KDM4B: variants seen among roughly 807,000 people sequenced by gnomAD.
KDM4B encodes lysine-specific demethylase 4B.
In KDM4B, 32 loss-of-function variants were observed where a neutral mutation model predicts 125.2. That is an observed-to-expected ratio of 0.26 (90% CI 0.19 to 0.34). The LOEUF (loss-of-function observed/expected upper bound fraction) is 0.34, where lower values mean the gene tolerates loss of function less well. KDM4B is among the 10% of genes least tolerant of loss of function. The probability of loss-of-function intolerance (pLI) is 1.00; values close to 1 mark genes in which losing one functional copy is unlikely to be tolerated. For missense variants in KDM4B, 1,190 were observed against 1,577.7 expected (o/e 0.75, Z 4.16); for synonymous variants, 721 against 677.9 (o/e 1.06, Z -0.99).
At position 5,142,684 on chromosome 19, in the gene KDM4B, A is replaced by T. The variant is rs938637840; in HGVS notation, c.2551-1283A>T. On this transcript the variant is annotated intron_variant, in intron 18 of 22. Coordinates refer to ENST00000159111, the MANE Select transcript of KDM4B (RefSeq NM_015015.3). The surrounding 1 kb of genome is among the most constrained non-coding windows in gnomAD (Gnocchi z 5.4). ...AGGCTCCCCAGGGAGCACAGCCTCC[A>T]CTCCTACACACTGGCTACTCTGCCG... 9.3e-5 allele frequency among the ~76,000 whole-genome samples: 14 copies of T among 151,182 alleles called. No individual in the cohort carries two copies. Among genetic ancestry groups the T allele is most frequent in the Non-Finnish European group, 1.8e-4 (12 of 67,830 alleles).
chr19:5,056,405 CTTTT>C (rs941745686), intron 6 of KDM4B, among the ~76,000 whole-genome samples: 2 of 136,308 alleles, frequency 1.5e-5, no homozygotes, highest in African/African-American at 2.7e-5. Context: ...CCCTTTCTTT[CTTTT>C]TTTTTTTTTT....
intron 1 of KDM4B, among the ~76,000 whole-genome samples, chr19:5,015,957 C>T (rs1362945619): frequency 3.9e-5 from 6 of 152,198 alleles, no homozygotes; most frequent in Non-Finnish European, 8.8e-5. Flanking sequence ...CAGTAGGTGT[C>T]TGCGTCTTAA....
intron 11 of KDM4B, among the ~76,000 whole-genome samples, chr19:5,126,708 G>A (rs116278100): frequency 1.2e-4 from 19 of 152,344 alleles, no homozygotes; most frequent in African/African-American, 4.3e-4. Flanking sequence ...CCGGGGACCC[G>A]CCAGCACATC....
chr19:4,969,793 C>G (rs976387574), intron 1 of KDM4B, among the ~76,000 whole-genome samples: 14 of 151,780 alleles, frequency 9.2e-5, no homozygotes, highest in Admixed American at 7.2e-4. Context: ...TGCACTGCCC[C>G]CACCTCCGGT....
intron 6 of KDM4B, among the ~76,000 whole-genome samples, chr19:5,058,520 T>C (rs1017059509): frequency 4.6e-5 from 7 of 152,128 alleles, no homozygotes; most frequent in Non-Finnish European, 1.0e-4. Flanking sequence ...CTCTTGGCCA[T>C]GTTCCAGGAG....
rs182529901 is a variant in KDM4B at position 5,082,266 on chromosome 19, C to T, written c.781-101C>T. 7 of 1,445,666 alleles carry T rather than the reference C, an allele frequency of 4.8e-6. No homozygotes were observed. Among genetic ancestry groups the T allele is most frequent in the East Asian group, 4.8e-5 (2 of 41,966 alleles). 89.6% of individuals were successfully genotyped at this position (1,445,666 alleles called of 1,614,324 possible). ...TTGACTTTGTGAAACCCCCTTGGCT[C>T]ATAAGCCAGGCTCCCTGGCACTTGC... On this transcript the variant is annotated intron_variant, in intron 8 of 22. Coordinates refer to ENST00000159111, the MANE Select transcript of KDM4B (RefSeq NM_015015.3). The surrounding 1 kb of genome is among the most constrained non-coding windows in gnomAD (Gnocchi z 5.4).
chr19:5,143,526 C>T (rs562986529), intron 18 of KDM4B, among the ~76,000 whole-genome samples: 1 of 152,216 alleles, frequency 6.6e-6, no homozygotes, highest in South Asian at 2.1e-4. Flanking sequence ...GTGGCCTGCC[C>T]TGGGGGTTGC....
At chr19:5,065,125 G>A (rs1040874241) in intron 6 of KDM4B, among the ~76,000 whole-genome samples, 5 of 152,242 alleles carry the variant, frequency 3.3e-5, no homozygotes, top group South Asian at 4.1e-4. Flanking sequence ...GCCCCACTGC[G>A]CAGCGTCACC....
chr19:5,141,129 G>A lies in KDM4B; in HGVS notation c.2551-2838G>A, dbSNP rs2039735204. 6.6e-6 allele frequency: 1 copy of A among 152,278 alleles called. No individual in the cohort carries two copies. Among genetic ancestry groups the A allele is most frequent in the Admixed American group, 6.5e-5 (1 of 15,294 alleles). 9.4% of individuals were successfully genotyped at this position (152,278 alleles called of 1,614,324 possible). On this transcript the variant is annotated intron_variant, in intron 18 of 22. Transcript: ENST00000159111. This position sits in a 1 kb window ranked among gnomAD's most constrained non-coding sequence, Gnocchi z 6.4. ...GGTGCCCACGAGCCCGGCGGGCTTG[G>A]ATGCCATGCTTGGAGCCCACAGGTG...
chr19:5,138,808 G>A (rs1380986225), intron 18 of KDM4B, among the ~76,000 whole-genome samples: 1 of 152,216 alleles, frequency 6.6e-6, no homozygotes, highest in Non-Finnish European at 1.5e-5. Flanking sequence ...CACTTCACAC[G>A]TGCTAAGCAG....
At chr19:5,018,702 C>T (rs912632061) in intron 2 of KDM4B, among the ~76,000 whole-genome samples, 1 of 152,196 alleles carries the variant, frequency 6.6e-6, no homozygotes, top group African/African-American at 2.4e-5. Context: ...AGCTCTGTCC[C>T]CCTCAGCAGT....
chr19:4,969,388 C>G (rs1192866299), intron 1 of KDM4B, among the ~76,000 whole-genome samples, 158 bp downstream of exon 1: 1 of 14,352 alleles, frequency 7.0e-5, no homozygotes, highest in Non-Finnish European at 1.3e-4. Context: ...TTGTCCGGGC[C>G]GGCGGGGCGG....
At chr19:5,136,326 ATGTC>A (rs1235212530) in intron 15 of KDM4B, among the ~76,000 whole-genome samples, 1 of 152,128 alleles carries the variant, frequency 6.6e-6, no homozygotes, top group African/African-American at 2.4e-5. Flanking sequence ...AAGAAAATGG[ATGTC>A]TGTCTCTTTC....
At chr19:5,062,783 T>G (rs996680587) in intron 6 of KDM4B, among the ~76,000 whole-genome samples, 29 of 147,234 alleles carry the variant, frequency 2.0e-4, no homozygotes, top group Non-Finnish European at 3.6e-4. Flanking sequence ...CTGTTTTTTT[T>G]TTTTTTTTTT....
chr19:5,039,451 TCAA>T (rs372611516), intron 3 of KDM4B, among the ~76,000 whole-genome samples: 16 of 152,070 alleles, frequency 1.1e-4, no homozygotes, highest in African/African-American at 2.7e-4. Context: ...AGACCCTGTC[TCAA>T]CAACAACAAC....
intron 6 of KDM4B, among the ~76,000 whole-genome samples, chr19:5,056,022 C>T (rs1247026776): frequency 2.0e-5 from 3 of 152,294 alleles, no homozygotes; most frequent in East Asian, 1.9e-4. Flanking sequence ...CCGGGTCCCA[C>T]GTGATGTTGT....
chr19:5,063,815 G>A (rs1291427687), intron 6 of KDM4B, among the ~76,000 whole-genome samples: 1 of 152,234 alleles, frequency 6.6e-6, no homozygotes, highest in African/African-American at 2.4e-5. Context: ...GGCGCAGCAC[G>A]GTGGCCACCA....
At position 5,063,739 on chromosome 19, in the gene KDM4B, C is replaced by T. The variant is rs1203793033; in HGVS notation, c.627-7271C>T. Among the ~76,000 whole-genome samples, 3 of 152,358 alleles carry T rather than the reference C, an allele frequency of 2.0e-5. No individual in the cohort carries two copies. The East Asian group carries it at 5.8e-4, about 29-fold the overall frequency. On this transcript the variant is annotated intron_variant, in intron 6 of 22. Transcript: ENST00000159111. ...CCTGTGAACAGCTTTGTTTGTGGTGCAGTTTCCATAGCATACATAGAAGGC... is the reference window on the plus strand; with the variant it reads ...CCTGTGAACAGCTTTGTTTGTGGTGTAGTTTCCATAGCATACATAGAAGGC...
chr19:5,010,510 G>A (rs1016133858), intron 1 of KDM4B, among the ~76,000 whole-genome samples: 5 of 152,134 alleles, frequency 3.3e-5, no homozygotes, highest in South Asian at 2.1e-4. Flanking sequence ...ACATTTCCGC[G>A]TGGCTCTTTC....
Sources: allele counts gnomAD v4.1 joint callset (sites outside exome capture counted in the v4.1 genomes callset), GRCh38; gene constraint gnomAD v4.1.1; non-coding constraint Gnocchi (gnomAD v3.1); transcripts MANE v1.5; gene names NCBI Gene and HGNC (gene_info 2026-07-23, HGNC 2026-07-21).